Variants in BANP observed in about 807,000 individuals in gnomAD.
BANP encodes BTG3 associated nuclear protein.
In BANP, 11 loss-of-function variants were observed where a neutral mutation model predicts 68.1. The observed-to-expected ratio is 0.16, with a 90% CI of 0.10 to 0.27. BANP has a LOEUF of 0.27. Among genes scored for constraint, BANP ranks in the 10% least tolerant of loss-of-function variants. The pLI, the probability that BANP is intolerant of heterozygous loss-of-function variation, is 1.00. For missense variants in BANP, 504 were observed against 722.7 expected, an observed-to-expected ratio of 0.70 and a Z score of 3.47; for synonymous variants, 329 against 303.2, an observed-to-expected ratio of 1.09 and a Z score of -0.88.
Position 88,071,308 on chromosome 16 carries a change from G to A in BANP, c.1378-761G>A, listed in dbSNP as rs551920570. On this transcript the variant is annotated intron_variant, in intron 12 of 13. Transcript: ENST00000682872. This position sits in a 1 kb window ranked among gnomAD's most constrained non-coding sequence, Gnocchi z 6.5. The stretch of plus-strand genomic sequence containing the variant: ...CTGGGGCTGCCCACCCGCCTGCCTG[G>A]GCCGTCTTGACACCGGAGCTGCCTG... 1 of 367,770 alleles carries A rather than the reference G, an allele frequency of 2.7e-6. No individual in the cohort carries two copies. The highest frequency in any genetic ancestry group is 5.4e-6 in the Non-Finnish European group (1 of 185,128). 22.8% of individuals were successfully genotyped at this position (367,770 alleles called of 1,614,324 possible). A position where few individuals can be genotyped will look rare whatever the true frequency, so the allele number is the denominator to read the frequency against.
intron 9 of BANP, among the ~76,000 whole-genome samples, 190 bp downstream of exon 9, chr16:88,033,435 G>A (rs1261645490): frequency 6.6e-6 from 1 of 152,178 alleles, no homozygotes; most frequent in Non-Finnish European, 1.5e-5. Flanking sequence ...AGGTGGGGGC[G>A]GCTGCTGCAG....
chr16:88,013,239 C>T (rs1218067947), intron 6 of BANP, among the ~76,000 whole-genome samples: 3 of 152,244 alleles, frequency 2.0e-5, no homozygotes, highest in Admixed American at 6.5e-5. Flanking sequence ...GCGCCTCTCC[C>T]GTGAGATGGA....
Position 88,018,561 on chromosome 16 carries a change from G to A in BANP, c.789G>A (p.Leu263=). 1 of 1,612,448 alleles carries A rather than the reference G, an allele frequency of 6.2e-7. No homozygotes were observed. Among genetic ancestry groups the A allele is most frequent in the South Asian group, 1.1e-5 (1 of 90,900 alleles). Residue 263 remains leucine, a synonymous_variant, in exon 7 of 14, where the codon CTG becomes CTA. Transcript: ENST00000682872. This position sits in a 1 kb window ranked among gnomAD's most constrained non-coding sequence, Gnocchi z 7.7. ...CRTAEKMALT[L]LDYLFHREVQ... ...CGGCCGAGAAGATGGCGCTCACGCT[G>A]CTGGACTACCTCTTCCACCGCGAGG...
rs2060033913 is a variant in BANP, at chr16:87,966,432, A to G, written c.-68-8616A>G. Among the ~76,000 whole-genome samples the G allele has an allele frequency of 2.0e-5, 3 of 152,240 alleles. No homozygotes were observed. In the South Asian group the frequency reaches 6.2e-4, roughly 32 times the overall value. On this transcript the variant is annotated intron_variant, in intron 1 of 13. Coordinates refer to ENST00000682872, the MANE Select transcript of BANP (RefSeq NM_001386991.1). ...TGAGAAATGGCAAATTTAATTTGCCAAAATAGCAACCACAGGCATTGCTGT... is the reference window on the plus strand; with the variant it reads ...TGAGAAATGGCAAATTTAATTTGCCGAAATAGCAACCACAGGCATTGCTGT...
Position 88,018,695 on chromosome 16 carries a change from G to A in BANP, c.895+28G>A. 6.5e-7 allele frequency: 1 copy of A among 1,544,490 alleles called. No homozygotes were observed. ...AAGTCGGGCCCCGCCTTGGGGGACT[G>A]GGGTGTGCGGGGAGCTGGGTCAGGA... On this transcript the variant is annotated intron_variant, in intron 7 of 13. Transcript: ENST00000682872. This position sits in a 1 kb window ranked among gnomAD's most constrained non-coding sequence, Gnocchi z 7.7.
At chr16:88,061,674 T>C (rs2086841479) in intron 11 of BANP, among the ~76,000 whole-genome samples, 1 of 151,626 alleles carries the variant, frequency 6.6e-6, no homozygotes, top group South Asian at 2.1e-4. Flanking sequence ...TTCTTTCTTT[T>C]TTTTTTTGAG....
At chr16:87,984,470 C>G (rs747810078) in intron 4 of BANP, among the ~76,000 whole-genome samples, 3 of 152,226 alleles carry the variant, frequency 2.0e-5, no homozygotes, top group South Asian at 2.1e-4. Flanking sequence ...GTCATCCTCA[C>G]GTTTCCTTTC....
chr16:87,973,259 CT>C (rs59324090), intron 1 of BANP, among the ~76,000 whole-genome samples: 52,692 of 149,246 alleles, frequency 0.35, 10,480 homozygotes, highest in Non-Finnish European at 0.47. Flanking sequence ...GTCATCAGCT[CT>C]TTTTTTTTTG....
At chr16:87,988,676 G>T (rs1355800292) in intron 4 of BANP, among the ~76,000 whole-genome samples, 3 of 152,206 alleles carry the variant, frequency 2.0e-5, no homozygotes, top group African/African-American at 7.2e-5. Context: ...ACTCCTTGCT[G>T]TGAGGGATTA....
chr16:88,068,930 A>G (rs939272779), intron 12 of BANP, among the ~76,000 whole-genome samples: 1 of 151,418 alleles, frequency 6.6e-6, no homozygotes, highest in Non-Finnish European at 1.5e-5. Context: ...TCTGCGGCTG[A>G]CAGGGACTTG....
chr16:88,038,514 A>G (rs1467084821), intron 11 of BANP, among the ~76,000 whole-genome samples: 4 of 123,510 alleles, frequency 3.2e-5, no homozygotes, highest in African/African-American at 6.4e-5. Context: ...CTGCACACGC[A>G]TGCGTATGTT....
At chr16:88,056,252 G>T (rs2152848543) in intron 11 of BANP, among the ~76,000 whole-genome samples, 1 of 152,356 alleles carries the variant, frequency 6.6e-6, no homozygotes, top group East Asian at 1.9e-4. Context: ...TTGCTTCTTG[G>T]TCTGTTTTGG....
rs1279091852 is a variant in BANP at position 87,957,756 on chromosome 16, G to A, written c.-69+6241G>A. ...CCTTGCCGGTGTGAATGCGCTTCCCGTAAATATGGCAGAACGCCTTCACCT... is the reference window on the plus strand; with the variant it reads ...CCTTGCCGGTGTGAATGCGCTTCCCATAAATATGGCAGAACGCCTTCACCT... On this transcript the variant is annotated intron_variant, in intron 1 of 13. Coordinates refer to ENST00000682872, the MANE Select transcript of BANP (RefSeq NM_001386991.1). This position sits in a 1 kb window ranked among gnomAD's most constrained non-coding sequence, Gnocchi z 4.3. 1.3e-5 allele frequency among the ~76,000 whole-genome samples: 2 copies of A among 152,266 alleles called. No homozygotes were observed. The highest frequency in any genetic ancestry group is 4.8e-5 in the African/African-American group (2 of 41,472).
rs191600232 is a variant in BANP, at chr16:88,012,232, G to C, written c.655+5967G>C. On this transcript the variant is annotated intron_variant, in intron 6 of 13. Transcript: ENST00000682872. ...CGACACAGCCCGGTGCTGCCTTTAGGTTTGAATTCTGTGTGGGTTTGCTCT... is the reference window on the plus strand; with the variant it reads ...CGACACAGCCCGGTGCTGCCTTTAGCTTTGAATTCTGTGTGGGTTTGCTCT... Among the ~76,000 whole-genome samples, 8 of 152,318 alleles carry C rather than the reference G, an allele frequency of 5.3e-5. No individual in the cohort carries two copies. The East Asian group carries it at 1.5e-3, about 29-fold the overall frequency.
At chr16:87,961,405 C>G (rs1329287183) in intron 1 of BANP, among the ~76,000 whole-genome samples, 1 of 128,794 alleles carries the variant, frequency 7.8e-6, no homozygotes, top group African/African-American at 2.8e-5. Context: ...CTCACAGAAT[C>G]TGCACCCCCC....
Position 88,018,747 on chromosome 16 carries a change from G to GC in BANP, c.895+81dup. The stretch of plus-strand genomic sequence containing the variant: ...CCACATTTCAATGCTGAGGACGCTG[G>GC]CATCAGTAGCACCGGCACGGGGCTG... On this transcript the variant is annotated intron_variant, in intron 7 of 13. Coordinates refer to ENST00000682872, the MANE Select transcript of BANP (RefSeq NM_001386991.1). This position sits in a 1 kb window ranked among gnomAD's most constrained non-coding sequence, Gnocchi z 7.7. 6.8e-7 allele frequency: 1 copy of GC among 1,471,602 alleles called. No individual in the cohort carries two copies. The highest frequency in any genetic ancestry group is 9.1e-7 in the Non-Finnish European group (1 of 1,098,024). 91.2% of individuals were successfully genotyped at this position (1,471,602 alleles called of 1,614,324 possible).
At chr16:88,031,510 A>G (rs1384124577) in intron 8 of BANP, among the ~76,000 whole-genome samples, 1 of 151,962 alleles carries the variant, frequency 6.6e-6, no homozygotes, top group East Asian at 1.9e-4. Flanking sequence ...TTAGCCCAGC[A>G]TGATGGTGGG....
At chr16:88,020,952 G>C (rs1406646425) in intron 7 of BANP, among the ~76,000 whole-genome samples, 1 of 152,224 alleles carries the variant, frequency 6.6e-6, no homozygotes, top group African/African-American at 2.4e-5. Context: ...TGTATTCAGG[G>C]AGTCCATGTA....
chr16:87,975,213 ATAT>A (rs748919032), intron 2 of BANP, 28 bp downstream of exon 2: 2 of 1,610,352 alleles, frequency 1.2e-6, no homozygotes, highest in South Asian at 1.1e-5. Context: ...AGTAGGTGAA[ATAT>A]TATTCTCTTT....
Sources: allele counts gnomAD v4.1 joint callset (sites outside exome capture counted in the v4.1 genomes callset), GRCh38; gene constraint gnomAD v4.1.1; non-coding constraint Gnocchi (gnomAD v3.1); transcripts MANE v1.5; gene names NCBI Gene and HGNC (gene_info 2026-07-23, HGNC 2026-07-21).